The following RIMS2 variants were observed in gnomAD, a reference collection of about 807,000 sequenced individuals.
RIMS2 encodes regulating synaptic membrane exocytosis 2.
In RIMS2, 59 loss-of-function variants were observed where a neutral mutation model predicts 174.4. That is an observed-to-expected ratio of 0.34 (90% CI 0.27 to 0.42). RIMS2 has a LOEUF of 0.42. Ranked by LOEUF, RIMS2 falls within the 10% of genes least tolerant of loss-of-function variation. The pLI is 1.00. For missense variants in RIMS2, 1,620 were observed against 1,666.3 expected, an observed-to-expected ratio of 0.97 and a Z score of 0.48; for synonymous variants, 606 against 572.5, an observed-to-expected ratio of 1.06 and a Z score of -0.84.
At chr8:104,065,600 A>T (rs1236173472) in intron 19 of RIMS2, among the ~76,000 whole-genome samples, 2 of 152,120 alleles carry the variant, frequency 1.3e-5, no homozygotes, top group African/African-American at 4.8e-5. Context: ...GGAACAGAAG[A>T]CTTCATATGA....
intron 19 of RIMS2, among the ~76,000 whole-genome samples, chr8:104,077,209 T>C (rs2097312001): frequency 6.6e-6 from 1 of 152,082 alleles, no homozygotes; most frequent in Non-Finnish European, 1.5e-5. Context: ...TTAGCTGTGA[T>C]ATGATAATGA....
At chr8:103,541,234 A>T (rs1032815434) in intron 1 of RIMS2, among the ~76,000 whole-genome samples, 1 of 152,242 alleles carries the variant, frequency 6.6e-6, no homozygotes, top group Non-Finnish European at 1.5e-5. Flanking sequence ...GGATCCTGAA[A>T]GCAAGAGAAG....
chr8:103,840,319 T>A (rs3104252), intron 3 of RIMS2, among the ~76,000 whole-genome samples: 1 of 152,072 alleles, frequency 6.6e-6, no homozygotes, highest in Non-Finnish European at 1.5e-5. Flanking sequence ...TTTTTTCTTC[T>A]ATACAGGTTT....
intron 19 of RIMS2, among the ~76,000 whole-genome samples, chr8:104,021,513 A>C (rs1251591070): frequency 6.6e-6 from 1 of 152,198 alleles, no homozygotes; most frequent in African/African-American, 2.4e-5. Flanking sequence ...AATATTCAAC[A>C]AGTTTTGAGA....
intron 19 of RIMS2, chr8:104,015,390 G>A: frequency 1.5e-6 from 1 of 671,298 alleles, no homozygotes; most frequent in Non-Finnish European, 2.7e-6. Flanking sequence ...GTTTGTTTTT[G>A]TTCTGTTTTT....
intron 19 of RIMS2, among the ~76,000 whole-genome samples, chr8:104,226,880 T>A (rs1182025437): frequency 6.6e-6 from 1 of 152,222 alleles, no homozygotes; most frequent in Non-Finnish European, 1.5e-5. Flanking sequence ...ATAATCTAAT[T>A]ACTCTATATG....
intron 19 of RIMS2, among the ~76,000 whole-genome samples, chr8:104,131,111 C>T (rs999071671): frequency 2.0e-5 from 3 of 152,166 alleles, no homozygotes; most frequent in African/African-American, 7.2e-5. Context: ...ATATCTTTCT[C>T]ATCCGTAAAA....
intron 3 of RIMS2, among the ~76,000 whole-genome samples, chr8:103,851,631 T>G (rs2098998426): frequency 7.0e-6 from 1 of 143,674 alleles, no homozygotes; most frequent in Non-Finnish European, 1.5e-5. Flanking sequence ...CCTGTGTCTA[T>G]AGGAATGCTA....
intron 1 of RIMS2, among the ~76,000 whole-genome samples, chr8:103,553,817 G>A (rs1240430785): frequency 1.3e-5 from 2 of 151,640 alleles, no homozygotes; most frequent in Non-Finnish European, 2.9e-5. Context: ...CAAGGCTACT[G>A]TAACTAAAAC....
At chr8:103,855,690 A>G (rs1410711844) in intron 3 of RIMS2, among the ~76,000 whole-genome samples, 1 of 151,786 alleles carries the variant, frequency 6.6e-6, no homozygotes, top group Non-Finnish European at 1.5e-5. Context: ...CTTGATATTG[A>G]TTTCTGTTTT....
chr8:104,135,613 C>CAAAAAAAAAAAAAAAA (rs35163912), intron 19 of RIMS2, among the ~76,000 whole-genome samples: 1 of 79,688 alleles, frequency 1.3e-5, no homozygotes, highest in Non-Finnish European at 2.5e-5. Flanking sequence ...CTCCCAACCT[C>CAAAAAAAAAAAAAAAA]AAAAAAAAAA....
At chr8:104,147,984 C>G (rs1178580143) in intron 19 of RIMS2, among the ~76,000 whole-genome samples, 1 of 152,070 alleles carries the variant, frequency 6.6e-6, no homozygotes, top group Non-Finnish European at 1.5e-5. Flanking sequence ...GAAAATCTTT[C>G]TTTTCTTTAT....
intron 3 of RIMS2, among the ~76,000 whole-genome samples, chr8:103,868,559 G>A (rs1319690990): frequency 6.6e-6 from 1 of 151,968 alleles, no homozygotes; most frequent in Non-Finnish European, 1.5e-5. Flanking sequence ...AATGATAATA[G>A]CATGAACAAA....
intron 19 of RIMS2, among the ~76,000 whole-genome samples, chr8:104,181,467 C>A (rs142436292): frequency 6.6e-6 from 1 of 151,526 alleles, no homozygotes; most frequent in African/African-American, 2.4e-5. Flanking sequence ...TAATCTGAGC[C>A]GTCAACCCTT....
Position 104,188,780 on chromosome 8 carries a change from G to A in RIMS2, c.3335-56136G>A, listed in dbSNP as rs113660555. 2.1e-3 allele frequency among the ~76,000 whole-genome samples: 316 copies of A among 151,650 alleles called. 1 individual carries two copies. The highest frequency in any genetic ancestry group is 7.1e-3 in the African/African-American group (293 of 41,430). On this transcript the variant is annotated intron_variant, in intron 19 of 23. Transcript: ENST00000504942. ...TTCCTTCAGGCAGTAAGAGTGTGGG[G>A]GTTTATTTCACTAGACTCTTCAGTA...
chr8:104,132,876 A>G (rs189017340), intron 19 of RIMS2, among the ~76,000 whole-genome samples: 7 of 152,288 alleles, frequency 4.6e-5, no homozygotes, highest in East Asian at 1.9e-4. Flanking sequence ...GATCTGCACC[A>G]TCTGCATCAC....
chr8:104,037,628 A>G (rs1351588716), intron 19 of RIMS2, among the ~76,000 whole-genome samples: 1 of 152,144 alleles, frequency 6.6e-6, no homozygotes, highest in Admixed American at 6.6e-5. Flanking sequence ...TTCTGTTTGA[A>G]CTTGAGACAT....
intron 19 of RIMS2, among the ~76,000 whole-genome samples, chr8:104,098,831 A>G (rs756309388): frequency 2.6e-5 from 4 of 152,212 alleles, no homozygotes; most frequent in Non-Finnish European, 5.9e-5. Context: ...TTACATAGCT[A>G]TGTGATATAA....
chr8:104,094,594 C>G (rs146008007), intron 19 of RIMS2: 1 of 700,876 alleles, frequency 1.4e-6, no homozygotes, highest in Non-Finnish European at 2.6e-6. Context: ...AAAGAGATTG[C>G]CAAAACGTGT....
Sources: gnomAD v4.1 joint callset for allele counts (sites outside exome capture counted in the v4.1 genomes callset) on GRCh38, gnomAD v4.1.1 for gene constraint, MANE v1.5 for transcripts, NCBI Gene and HGNC (gene_info 2026-07-23, HGNC 2026-07-21) for gene names.